Variants in ATM observed in about 807,000 individuals in gnomAD.
The protein encoded by ATM is ATM serine/threonine kinase.
A neutral mutation model predicts 387.0 loss-of-function variants in ATM; 308 were observed. The ratio of observed to expected loss-of-function variants is 0.80; its 90% CI spans 0.73 to 0.87. ATM has a LOEUF of 0.87. Ranked by LOEUF, ATM falls within the 40% of genes least tolerant of loss-of-function variation. The pLI is 0.00. For synonymous variants in ATM, 1,156 were observed against 1,187.3 expected (o/e 0.97, Z 0.54); for missense variants, 3,312 against 3,560.9 (o/e 0.93, Z 1.78).
Position 108,256,298 on chromosome 11 carries a change from T to C in ATM, c.2208T>C (p.Ala736=), listed in dbSNP as rs761874856. 1.2e-6 allele frequency: 2 copies of C among 1,611,564 alleles called. No individual in the cohort carries two copies. The highest frequency in any genetic ancestry group is 4.5e-5 in the East Asian group (2 of 44,742). Residue 736 remains alanine (A), a synonymous_variant, in exon 14 of 63, where the codon GCT becomes GCC. Coordinates refer to ENST00000675843, the MANE Select transcript of ATM (RefSeq NM_000051.4). ...LGCYCYMGVI[A]EEEAYKSELF... ...GCTACTGTTACATGGGTGTAATAGCTGAAGAGGAAGCATATAAGTCAGAAT... is the reference window on the plus strand; with the variant it reads ...GCTACTGTTACATGGGTGTAATAGCCGAAGAGGAAGCATATAAGTCAGAAT...
intron 4 of ATM, chr11:108,229,635 G>T: frequency 4.0e-6 from 1 of 252,490 alleles, no homozygotes; most frequent in Non-Finnish European, 7.6e-6. Context: ...TCAAATATTT[G>T]GGGAAATTTA....
At chr11:108,332,076 T>C in intron 52 of ATM, 39 bp downstream of exon 52, 1 of 1,606,714 alleles carries the variant, frequency 6.2e-7, no homozygotes, top group Non-Finnish European at 8.5e-7. Context: ...AGAAGTGTGA[T>C]ATTCAGTCTT....
chr11:108,253,697 A>T, intron 12 of ATM, 117 bp from the exon 13 acceptor site: 1 of 647,324 alleles, frequency 1.5e-6, no homozygotes, highest in Non-Finnish European at 2.6e-6. Context: ...TTATATAAGT[A>T]GTCTTTGAAT....
At chr11:108,341,367 G>A (rs1364992942) in intron 56 of ATM, among the ~76,000 whole-genome samples, 1 of 151,824 alleles carries the variant, frequency 6.6e-6, no homozygotes, top group South Asian at 2.1e-4. Context: ...TTAAACTTAA[G>A]TTTTGTTCTC....
chr11:108,312,313 C>G (rs1565493191), intron 39 of ATM, 98 bp from the exon 40 acceptor site: 12 of 880,730 alleles, frequency 1.4e-5, no homozygotes, highest in Non-Finnish European at 1.7e-5. Flanking sequence ...TTGTTTGCCA[C>G]CTTCATTAGT....
In ATM at chr11:108,365,879, A is replaced by G. The variant is rs3092835; in HGVS notation, c.*371A>G. On this transcript the variant is annotated 3_prime_UTR_variant, in exon 63 of 63. Transcript: ENST00000675843. The stretch of plus-strand genomic sequence containing the variant: ...CCCTGTCTCTACTAAAAATACAAAA[A>G]TTAGCCGAGCATGGTGGCGGGCACC... 0.01 allele frequency: 2,225 copies of G among 214,320 alleles called. 50 individuals carry two copies. The highest frequency in any genetic ancestry group is 0.048 in the African/African-American group (2,070 of 42,998). 13.3% of individuals were successfully genotyped at this position (214,320 alleles called of 1,614,324 possible).
chr11:108,330,287 C>T lies in ATM; in HGVS notation c.7381C>T (p.Arg2461Cys), dbSNP rs201314561. 99 of 1,614,160 alleles carry T rather than the reference C, an allele frequency of 6.1e-5. No homozygotes were observed. Among genetic ancestry groups the T allele is most frequent in the African/African-American group, 5.2e-4 (39 of 75,046 alleles). ...ALRALKEDRKRFLCKAVENYI... is the reference protein window; with the variant it reads ...ALRALKEDRKCFLCKAVENYI... ...GCGTGCACTGAAAGAGGATCGTAAA[C>T]GCTTCTTATGTAAAGCAGTTGAAAA... The change falls in exon 50 of 63, where the codon CGC becomes TGC. Residue 2461 changes from arginine to cysteine, a missense_variant. Physicochemically the swap from Arg to Cys is radical, Grantham distance 180. Transcript: ENST00000675843.
rs1387785337 is a variant in ATM, at chr11:108,271,361, C to G, written c.3032C>G (p.Thr1011Arg). 2 of 1,613,684 alleles carry G rather than the reference C, an allele frequency of 1.2e-6. No individual in the cohort carries two copies. The highest frequency in any genetic ancestry group is 2.2e-5 in the East Asian group (1 of 44,850). ...CAAAGCAATATGGACTCTGAGAACA[C>G]AAGGGATGCTCAAGGACAGTTTCTT... Reference protein sequence around the residue: ...LGQSNMDSENTRDAQGQFLTV... With the variant: ...LGQSNMDSENRRDAQGQFLTV... The change falls in exon 20 of 63, where the codon ACA becomes AGA. Residue 1011 changes from threonine (T) to arginine (R), a missense_variant. Transcript: ENST00000675843.
In ATM at chr11:108,312,444, A is replaced by G. The variant is rs2084245699; in HGVS notation, c.5952A>G (p.Thr1984=). ...SLAFEEGSQS[T]TISSLSEKSK... is the part of the protein sequence containing the mutation. The stretch of plus-strand genomic sequence containing the variant: ...CATTTGAAGAAGGAAGCCAGAGTAC[A>G]ACTATTTCTAGCTTGAGTGAAAAAA... The change falls in exon 40 of 63, where the codon ACA becomes ACG. Residue 1984 remains threonine (T), a synonymous_variant. Coordinates refer to ENST00000675843, the MANE Select transcript of ATM (RefSeq NM_000051.4). 1 of 1,596,946 alleles carries G rather than the reference A, an allele frequency of 6.3e-7. No individual in the cohort carries two copies. Among genetic ancestry groups the G allele is most frequent in the Non-Finnish European group, 8.6e-7 (1 of 1,164,624 alleles).
chr11:108,243,474 A>G (rs1197674861), intron 5 of ATM, among the ~76,000 whole-genome samples: 3 of 151,920 alleles, frequency 2.0e-5, no homozygotes, highest in African/African-American at 7.3e-5. Flanking sequence ...TTAGCCAGGC[A>G]TGGTTTTGTG....
At chr11:108,361,606 A>G (rs1038247859) in intron 61 of ATM, among the ~76,000 whole-genome samples, 1 of 151,848 alleles carries the variant, frequency 6.6e-6, no homozygotes, top group Non-Finnish European at 1.5e-5. Flanking sequence ...AGAGATATAG[A>G]TCAATGGAAC....
chr11:108,365,618 T>C lies in ATM; in HGVS notation c.*110T>C. The C allele has an allele frequency of 1.5e-6, 2 of 1,345,464 alleles. No individual in the cohort carries two copies. The highest frequency in any genetic ancestry group is 2.0e-6 in the Non-Finnish European group (2 of 986,024). The allele number at this position is 1,345,464 out of a possible 1,614,324, so 83.3% of individuals were successfully genotyped here. A position where few individuals can be genotyped will look rare whatever the true frequency, so the allele number is the denominator to read the frequency against. ...TAGGGATTAATATTTAAGTGAACTA[T>C]TGTGGGTTTTTTTGAATGTTGGTTT... On this transcript the variant is annotated 3_prime_UTR_variant, in exon 63 of 63. Coordinates refer to ENST00000675843, the MANE Select transcript of ATM (RefSeq NM_000051.4).
intron 61 of ATM, among the ~76,000 whole-genome samples, chr11:108,360,412 T>C (rs1399412192): frequency 1.0e-4 from 15 of 143,414 alleles, no homozygotes; most frequent in Admixed American, 2.1e-4. Flanking sequence ...TTCCAATCAA[T>C]AGAAAAAGAG....
Position 108,256,278 on chromosome 11 carries a change from T to C in ATM, c.2188T>C (p.Cys730Arg), listed in dbSNP as rs1555074947. The change falls in exon 14 of 63, where the codon TGT becomes CGT. Residue 730 changes from cysteine (C) to arginine (R), a missense_variant. By Grantham distance (180) the Cys-to-Arg change is radical. Transcript: ENST00000675843. ...TTTGGTGGGTGTCCTTGGCTGCTACTGTTACATGGGTGTAATAGCTGAAGA... is the reference window on the plus strand; with the variant it reads ...TTTGGTGGGTGTCCTTGGCTGCTACCGTTACATGGGTGTAATAGCTGAAGA... ...RLLVGVLGCY[C>R]YMGVIAEEEA... 1 of 1,611,278 alleles carries C rather than the reference T, an allele frequency of 6.2e-7. No homozygotes were observed. Among genetic ancestry groups the C allele is most frequent in the Non-Finnish European group, 8.5e-7 (1 of 1,178,206 alleles).
chr11:108,335,904 A>T lies in ATM; in HGVS notation c.8211A>T (p.Thr2737=), dbSNP rs876660946. 1.2e-6 allele frequency: 2 copies of T among 1,614,078 alleles called. No homozygotes were observed. Among genetic ancestry groups the T allele is most frequent in the Non-Finnish European group, 1.7e-6 (2 of 1,179,976 alleles). Residue 2737 remains threonine, a synonymous_variant, in exon 56 of 63, where the codon ACA becomes ACT. Transcript: ENST00000675843. ...VMQQVFQMCN[T]LLQRNTETRK... is the part of the protein sequence containing the mutation. ...AACAGGTCTTCCAGATGTGTAATAC[A>T]TTACTGCAGAGAAACACGGAAACTA...
intron 26 of ATM, chr11:108,287,262 C>T (rs1346393409): frequency 5.6e-6 from 1 of 177,624 alleles, no homozygotes; most frequent in Non-Finnish European, 1.2e-5. Context: ...AGCAGTTATA[C>T]ATCAGTGGGA....
At position 108,299,758 on chromosome 11, in the gene ATM, T is replaced by C; in HGVS notation, c.5050T>C (p.Ser1684Pro). 6.2e-7 allele frequency: 1 copy of C among 1,614,038 alleles called. No individual in the cohort carries two copies. The highest frequency in any genetic ancestry group is 1.1e-5 in the South Asian group (1 of 91,088). ...GGGAGAAGTGGGTCCTATAGATTTC[T>C]CTACCATAGCTATACAACATAGTAA... ...CLGEVGPIDF[S>P]TIAIQHSKDA... The change falls in exon 34 of 63, where the codon TCT (serine) becomes CCT (proline). Residue 1684 changes from serine to proline, a missense_variant. Physicochemically the swap from Ser to Pro is moderately conservative, Grantham distance 74. Transcript: ENST00000675843.
chr11:108,275,976 C>T (rs1385305055), intron 22 of ATM, among the ~76,000 whole-genome samples: 1 of 152,184 alleles, frequency 6.6e-6, no homozygotes, highest in South Asian at 2.1e-4. Flanking sequence ...TCCATTCTCC[C>T]CATCACTTTC....
intron 5 of ATM, among the ~76,000 whole-genome samples, chr11:108,239,555 C>T (rs1399730764): frequency 2.6e-5 from 4 of 152,170 alleles, no homozygotes; most frequent in African/African-American, 7.2e-5. Flanking sequence ...CATTGGTGGA[C>T]ATGGGTTGTT....
Sources: gnomAD v4.1 joint callset for allele counts (sites outside exome capture counted in the v4.1 genomes callset) on GRCh38, gnomAD v4.1.1 for gene constraint, MANE v1.5 for transcripts, NCBI Gene and HGNC (gene_info 2026-07-23, HGNC 2026-07-21) for gene names.